The following PCDHGA5 variants were observed in gnomAD, a reference collection of about 807,000 sequenced individuals.
PCDHGA5 encodes protocadherin gamma-A5.
Under a neutral mutation model 56.7 loss-of-function variants are expected in PCDHGA5, and 36 were observed. That is an observed-to-expected ratio of 0.64 (90% confidence interval 0.49 to 0.84). PCDHGA5 has a LOEUF of 0.84. Ranked by LOEUF, PCDHGA5 falls within the 40% of genes least tolerant of loss-of-function variation. The pLI, the probability that PCDHGA5 is intolerant of heterozygous loss-of-function variation, is 0.00. For missense variants in PCDHGA5, 1,305 were observed against 1,201.5 expected, an observed-to-expected ratio of 1.09 and a Z score of -1.27; for synonymous variants, 563 against 520.2, an observed-to-expected ratio of 1.08 and a Z score of -1.12.
At chr5:141,426,480 C>T (rs1379758117) in intron 1 of PCDHGA5, 4 of 325,590 alleles carry the variant, frequency 1.2e-5, no homozygotes, top group Non-Finnish European at 1.8e-5. Flanking sequence ...TGACCTGAAA[C>T]CTTAGAGTTA....
chr5:141,498,294 G>A (rs2099782964), intron 2 of PCDHGA5, among the ~76,000 whole-genome samples: 1 of 151,910 alleles, frequency 6.6e-6, no homozygotes, highest in African/African-American at 2.4e-5. Flanking sequence ...GATCAAGCCA[G>A]CTCTGGGTCA....
Position 141,486,672 on chromosome 5 carries a change from G to A in PCDHGA5, c.2422-8135G>A. The A allele has an allele frequency of 5.0e-6, 8 of 1,614,000 alleles. No homozygotes were observed. Among genetic ancestry groups the A allele is most frequent in the Non-Finnish European group, 5.9e-6 (7 of 1,180,028 alleles). On this transcript the variant is annotated intron_variant, in intron 1 of 3. Coordinates refer to ENST00000518069, the MANE Select transcript of PCDHGA5 (RefSeq NM_018918.3). This position sits in a 1 kb window ranked among gnomAD's most constrained non-coding sequence, Gnocchi z 5.0. Reference sequence around the variant, plus strand: ...TACTCACTCCTGGAGCCCAGGAATCGAGATGTATCAGCTTCCTCTTTCATC... The same window carrying A: ...TACTCACTCCTGGAGCCCAGGAATCAAGATGTATCAGCTTCCTCTTTCATC...
chr5:141,449,830 T>G (rs1316368063), intron 1 of PCDHGA5, among the ~76,000 whole-genome samples: 1 of 151,724 alleles, frequency 6.6e-6, no homozygotes, highest in Non-Finnish European at 1.5e-5. Flanking sequence ...AAGGACATTC[T>G]TTTATATAAT....
intron 1 of PCDHGA5, chr5:141,389,398 T>C (rs1384148422): frequency 1.2e-6 from 2 of 1,613,536 alleles, no homozygotes; most frequent in East Asian, 4.5e-5. Flanking sequence ...TACGTGTCCA[T>C]AAGCGCGGAG....
chr5:141,408,061 G>C, intron 1 of PCDHGA5: 1 of 1,332,898 alleles, frequency 7.5e-7, no homozygotes, highest in Non-Finnish European at 1.0e-6. Flanking sequence ...CCTCCCGGCT[G>C]CGCAGACCTT....
intron 1 of PCDHGA5, among the ~76,000 whole-genome samples, chr5:141,456,668 T>G (rs2098874996): frequency 1.3e-5 from 2 of 152,254 alleles, no homozygotes; most frequent in Admixed American, 6.5e-5. Context: ...ATGTTTCATT[T>G]AAAAATGCAT....
At chr5:141,399,779 G>T in intron 1 of PCDHGA5, 2 of 1,613,282 alleles carry the variant, frequency 1.2e-6, no homozygotes, top group South Asian at 1.1e-5. Flanking sequence ...GTGGGCGACC[G>T]AAACGACAAC....
intron 1 of PCDHGA5, chr5:141,430,849 G>A: frequency 6.3e-7 from 1 of 1,582,030 alleles, no homozygotes; most frequent in Non-Finnish European, 8.6e-7. Flanking sequence ...GATGCACCCA[G>A]ATACGCTATT....
intron 1 of PCDHGA5, among the ~76,000 whole-genome samples, chr5:141,488,238 C>G (rs374846692): frequency 6.6e-6 from 1 of 152,154 alleles, no homozygotes; most frequent in African/African-American, 2.4e-5. Context: ...GAACTAGATG[C>G]GGTAAATTGG....
intron 1 of PCDHGA5, chr5:141,433,078 C>A (rs947684072): frequency 2.5e-5 from 40 of 1,614,144 alleles, no homozygotes; most frequent in Non-Finnish European, 3.3e-5. Context: ...TCCCCCAGCC[C>A]AACTATGCAG....
chr5:141,422,052 CG>C (rs1282698929), intron 1 of PCDHGA5: 1 of 1,611,298 alleles, frequency 6.2e-7, no homozygotes, highest in South Asian at 1.1e-5. Context: ...AGGGAATCAA[CG>C]GGGAAGTAAT....
chr5:141,432,949 CG>C lies in PCDHGA5; in HGVS notation c.2422-61856del, dbSNP rs930064840. 6.2e-7 allele frequency: 1 copy of C among 1,614,066 alleles called. No individual in the cohort carries two copies. Among genetic ancestry groups the C allele is most frequent in the African/African-American group, 1.3e-5 (1 of 74,930 alleles). ...CACGCCTGCTGCAGGCTTCAGGAGG[CG>C]GCTTGACAGGAGCGCCGGCGTCGCA... On this transcript the variant is annotated intron_variant, in intron 1 of 3. Transcript: ENST00000518069. This position sits in a 1 kb window ranked among gnomAD's most constrained non-coding sequence, Gnocchi z 6.0.
chr5:141,439,364 G>A (rs1561894836), intron 1 of PCDHGA5, among the ~76,000 whole-genome samples: 2 of 152,142 alleles, frequency 1.3e-5, no homozygotes, highest in Admixed American at 1.3e-4. Context: ...CAAACATCAA[G>A]AAGAAATAAA....
At position 141,364,571 on chromosome 5, in the gene PCDHGA5, A is replaced by G. The variant is rs750353960; in HGVS notation, c.241A>G (p.Ser81Gly). ...RTQLFALNPR[S>G]GSLVTAGRID... The stretch of plus-strand genomic sequence containing the variant: ...GCAGCTTTTTGCCCTGAACCCGCGA[A>G]GCGGCAGCTTGGTCACCGCGGGCAG... The change falls in exon 1 of 4, where the codon AGC becomes GGC. Residue 81 changes from serine (S) to glycine (G), a missense_variant. Coordinates refer to ENST00000518069, the MANE Select transcript of PCDHGA5 (RefSeq NM_018918.3). 3.1e-6 allele frequency: 5 copies of G among 1,614,012 alleles called. No homozygotes were observed. Among genetic ancestry groups the G allele is most frequent in the Admixed American group, 3.3e-5 (2 of 60,014 alleles).
At chr5:141,456,701 G>C (rs370086323) in intron 1 of PCDHGA5, among the ~76,000 whole-genome samples, 1 of 151,988 alleles carries the variant, frequency 6.6e-6, no homozygotes. Flanking sequence ...GTGGTGGCTC[G>C]CGCCTGTAAT....
chr5:141,493,937 A>G lies in PCDHGA5; in HGVS notation c.2422-870A>G, dbSNP rs931274307. Among the ~76,000 whole-genome samples the G allele has an allele frequency of 6.6e-6, 1 of 152,212 alleles. No individual in the cohort carries two copies. The highest frequency in any genetic ancestry group is 1.5e-5 in the Non-Finnish European group (1 of 68,022). ...GGATAACACACCCCCTGGAAAGACCAGAAGGGACTCAGGAATGAAGTGGCT... is the reference window on the plus strand; with the variant it reads ...GGATAACACACCCCCTGGAAAGACCGGAAGGGACTCAGGAATGAAGTGGCT... On this transcript the variant is annotated intron_variant, in intron 1 of 3. Coordinates refer to ENST00000518069, the MANE Select transcript of PCDHGA5 (RefSeq NM_018918.3). This position sits in a 1 kb window ranked among gnomAD's most constrained non-coding sequence, Gnocchi z 4.3.
intron 3 of PCDHGA5, among the ~76,000 whole-genome samples, chr5:141,506,381 G>A (rs750584158): frequency 2.0e-5 from 3 of 151,216 alleles, no homozygotes; most frequent in Non-Finnish European, 4.4e-5. Context: ...CCTGGGAGGT[G>A]GCTGTGGTGA....
intron 1 of PCDHGA5, chr5:141,375,357 C>A: frequency 6.2e-7 from 1 of 1,613,858 alleles, no homozygotes; most frequent in Non-Finnish European, 8.5e-7. Context: ...GTGACAGCCA[C>A]GGACAAAGGA....
chr5:141,414,778 C>G, intron 1 of PCDHGA5: 5 of 1,614,202 alleles, frequency 3.1e-6, no homozygotes, highest in Non-Finnish European at 3.4e-6. Context: ...GCTACAGATG[C>G]AGGTGACAGC....
Sources: gnomAD v4.1 joint callset for allele counts (sites outside exome capture counted in the v4.1 genomes callset) on GRCh38, gnomAD v4.1.1 for gene constraint, Gnocchi (gnomAD v3.1) non-coding constraint, MANE v1.5 for transcripts, NCBI Gene and HGNC (gene_info 2026-07-23, HGNC 2026-07-21) for gene names.